The following ACKR2 variants were observed in gnomAD, a reference collection of about 807,000 sequenced individuals.
The protein encoded by ACKR2 is atypical chemokine receptor 2, also known as C-C chemokine receptor D6.
For synonymous variants in ACKR2, 207 were observed against 192.2 expected (o/e 1.08, Z -0.64); for missense variants, 457 against 477.3 (o/e 0.96, Z 0.40).
intron 2 of ACKR2, among the ~76,000 whole-genome samples, chr3:42,839,966 G>C (rs762053028): frequency 7.9e-5 from 12 of 152,134 alleles, no homozygotes; most frequent in Non-Finnish European, 1.6e-4. Flanking sequence ...GCTCAGAAAT[G>C]AAATAGAGCA....
At position 42,854,761 on chromosome 3, in the gene ACKR2, C is replaced by T. The variant is rs978548007; in HGVS notation, c.-37-9705C>T. 2.6e-5 allele frequency among the ~76,000 whole-genome samples: 4 copies of T among 152,080 alleles called. No individual in the cohort carries two copies. In the East Asian group the frequency reaches 5.8e-4, roughly 22 times the overall value. The stretch of plus-strand genomic sequence containing the variant: ...ATCTTTCCTCTTGTTGCCTCAACTG[C>T]GACTTTCCTGAGAGACCTAAGGGAG... On this transcript the variant is annotated intron_variant, in intron 2 of 2. Coordinates refer to ENST00000422265, the MANE Select transcript of ACKR2 (RefSeq NM_001296.5).
chr3:42,848,183 A>G (rs987026801), intron 2 of ACKR2, among the ~76,000 whole-genome samples: 6 of 151,128 alleles, frequency 4.0e-5, no homozygotes, highest in African/African-American at 1.5e-4. Context: ...AATACTTAAG[A>G]AGAAAGGCTA....
chr3:42,828,094 T>TATATATATATATATA (rs533091556), intron 2 of ACKR2, among the ~76,000 whole-genome samples: 1 of 71,524 alleles, frequency 1.4e-5, no homozygotes, highest in African/African-American at 4.8e-5. Flanking sequence ...ATATATATAT[T>TATATATATATATATA]TTTTTTTTTT....
intron 2 of ACKR2, among the ~76,000 whole-genome samples, chr3:42,822,813 CAAAA>C (rs71072739): frequency 1.2e-3 from 95 of 81,888 alleles, no homozygotes; most frequent in Middle Eastern, 5.9e-3. Context: ...GACTCCAGCT[CAAAA>C]AAAAAAAAAA....
chr3:42,842,457 G>A (rs1366486800), intron 2 of ACKR2, among the ~76,000 whole-genome samples: 1 of 152,110 alleles, frequency 6.6e-6, no homozygotes, highest in Non-Finnish European at 1.5e-5. Flanking sequence ...GAAGGTGACA[G>A]CAATGCCTCA....
At chr3:42,851,015 A>G (rs1433724693) in intron 2 of ACKR2, 1 of 152,406 alleles carries the variant, frequency 6.6e-6, no homozygotes, top group Non-Finnish European at 1.5e-5. Context: ...GAAGGTATCC[A>G]GGATGAAGAA....
chr3:42,813,956 CT>C (rs145349849), intron 1 of ACKR2, among the ~76,000 whole-genome samples: 81 of 152,272 alleles, frequency 5.3e-4, no homozygotes, highest in Non-Finnish European at 9.7e-4. Context: ...GAAGTTCACA[CT>C]TTACCCAAAC....
chr3:42,826,524 T>C (rs1700866515), intron 2 of ACKR2, among the ~76,000 whole-genome samples: 1 of 151,758 alleles, frequency 6.6e-6, no homozygotes, highest in South Asian at 2.1e-4. Flanking sequence ...AATTATCTAA[T>C]TTATTGGCAT....
chr3:42,843,000 AAAAG>A (rs1337756495), intron 2 of ACKR2, among the ~76,000 whole-genome samples: 1 of 146,848 alleles, frequency 6.8e-6, no homozygotes, highest in African/African-American at 2.5e-5. Flanking sequence ...AAAAAAAAAA[AAAAG>A]AAAGAAATCA....
chr3:42,813,339 C>T (rs560773050), intron 1 of ACKR2, among the ~76,000 whole-genome samples: 25 of 152,148 alleles, frequency 1.6e-4, no homozygotes, highest in East Asian at 1.3e-3. Context: ...GGTCTGTTCT[C>T]GCAATGCTAG....
chr3:42,822,914 G>C (rs545017417), intron 2 of ACKR2, among the ~76,000 whole-genome samples: 49 of 150,970 alleles, frequency 3.2e-4, no homozygotes, highest in African/African-American at 1.0e-3. Flanking sequence ...TCTTTTTGCT[G>C]TATCCACCAG....
chr3:42,836,049 G>A (rs1266462396), intron 2 of ACKR2: 4 of 152,116 alleles, frequency 2.6e-5, no homozygotes. Context: ...CAACCCCTGA[G>A]AAAGGCAGGT....
intron 2 of ACKR2, among the ~76,000 whole-genome samples, chr3:42,833,604 C>T (rs1700954396): frequency 6.6e-6 from 1 of 151,968 alleles, no homozygotes; most frequent in African/African-American, 2.4e-5. Context: ...ATTTCAGGTG[C>T]TTCATGGCCA....
chr3:42,825,602 CGT>C (rs994203107), intron 2 of ACKR2, among the ~76,000 whole-genome samples: 15 of 69,656 alleles, frequency 2.2e-4, no homozygotes, highest in African/African-American at 6.4e-4. Context: ...TGTGTGTGTG[CGT>C]GTGTGTGTGT....
chr3:42,848,561 G>T (rs953772881), intron 2 of ACKR2, among the ~76,000 whole-genome samples: 1 of 152,062 alleles, frequency 6.6e-6, no homozygotes, highest in East Asian at 1.9e-4. Flanking sequence ...CATGTAGAAA[G>T]AATTCTAATT....
chr3:42,837,743 TAACTC>T (rs1384410767), intron 2 of ACKR2, among the ~76,000 whole-genome samples: 1 of 152,224 alleles, frequency 6.6e-6, no homozygotes, highest in Non-Finnish European at 1.5e-5. Context: ...AGGTATTCCT[TAACTC>T]AGTCAAGTTG....
chr3:42,864,911 T>C lies in ACKR2; in HGVS notation c.409T>C (p.Cys137Arg). The C allele has an allele frequency of 2.5e-6, 4 of 1,614,174 alleles. No homozygotes were observed. Among genetic ancestry groups the C allele is most frequent in the Non-Finnish European group, 3.4e-6 (4 of 1,180,036 alleles). The change falls in exon 3 of 3, where the codon TGC becomes CGC. Residue 137 changes from cysteine (C) to arginine (R), a missense_variant. Coordinates refer to ENST00000422265, the MANE Select transcript of ACKR2 (RefSeq NM_001296.5). ...NFYSGIFFIS[C>R]MSLDKYLEIV... ...TTACAGTGGCATCTTTTTCATTAGC[T>C]GCATGAGCCTGGACAAGTACCTGGA...
At chr3:42,812,744 T>C (rs933789338) in intron 1 of ACKR2, among the ~76,000 whole-genome samples, 77 of 132,676 alleles carry the variant, frequency 5.8e-4, no homozygotes, top group African/African-American at 2.2e-3. Context: ...TGGAGTGCAC[T>C]GGCATAATCT....
intron 2 of ACKR2, among the ~76,000 whole-genome samples, chr3:42,821,955 C>T (rs1468134942): frequency 1.3e-5 from 2 of 152,106 alleles, no homozygotes; most frequent in Non-Finnish European, 2.9e-5. Context: ...CTCGGCCTCT[C>T]AAAGTGCTGG....
Sources: allele counts gnomAD v4.1 joint callset (sites outside exome capture counted in the v4.1 genomes callset), GRCh38; gene constraint gnomAD v4.1.1; transcripts MANE v1.5; gene names NCBI Gene and HGNC (gene_info 2026-07-23, HGNC 2026-07-21).